Variants in EFHD1 observed in about 807,000 individuals in gnomAD.
EFHD1 encodes the protein EF-hand domain family member D1, also known as EF-hand domain-containing protein D1.
A neutral mutation model predicts 17.2 loss-of-function variants in EFHD1; 10 were observed. The observed-to-expected ratio is 0.58, with a 90% CI of 0.36 to 0.99. The LOEUF is 0.99. Among genes scored for constraint, EFHD1 ranks in the 50% least tolerant of loss-of-function variants. EFHD1 has a pLI of 0.01. For synonymous variants in EFHD1, 153 were observed against 142.0 expected, an observed-to-expected ratio of 1.08 and a Z score of -0.55; for missense variants, 310 against 327.5, an observed-to-expected ratio of 0.95 and a Z score of 0.41.
chr2:232,638,186 G>GTA, intron 1 of EFHD1: 5 of 363,220 alleles, frequency 1.4e-5, no homozygotes, highest in East Asian at 7.3e-5. Context: ...TGGTGGAGCA[G>GTA]TCAAGGTTAG....
chr2:232,630,033 T>A (rs1694175483), upstream of EFHD1, among the ~76,000 whole-genome samples: 1 of 151,806 alleles, frequency 6.6e-6, no homozygotes, highest in Non-Finnish European at 1.5e-5. Context: ...CACTGCAATC[T>A]CCACCTCCCA....
chr2:232,637,613 G>A (rs1188698723), intron 1 of EFHD1, among the ~76,000 whole-genome samples: 2 of 151,988 alleles, frequency 1.3e-5, no homozygotes, highest in Non-Finnish European at 2.9e-5. Context: ...CAAAACGCTG[G>A]GATTACAGGC....
intron 2 of EFHD1, among the ~76,000 whole-genome samples, chr2:232,669,324 C>A (rs959836402): frequency 3.3e-5 from 5 of 152,188 alleles, no homozygotes; most frequent in Non-Finnish European, 7.3e-5. Context: ...CATGGCTGAC[C>A]GTCGGCCTCT....
intron 1 of EFHD1, among the ~76,000 whole-genome samples, chr2:232,624,522 C>A (rs948981571): frequency 1.3e-5 from 2 of 152,282 alleles, no homozygotes; most frequent in African/African-American, 2.4e-5. Context: ...CCAGGGGGCA[C>A]CCTTGTGTCT....
chr2:232,638,830 T>C (rs112688559), intron 1 of EFHD1, among the ~76,000 whole-genome samples: 1 of 152,214 alleles, frequency 6.6e-6, no homozygotes, highest in Non-Finnish European at 1.5e-5. Context: ...TCACCTTAGA[T>C]GTGAAATTTT....
rs750522641 is a variant in EFHD1, at chr2:232,662,795, C to T, written c.303-7C>T. ...CATCCCGGTCATGCATTCCTTTGAC[C>T]CTGCAGGTATGACGCTGGGCGGGAT... On this transcript the variant is annotated splice_region_variant and splice_polypyrimidine_tract_variant and intron_variant, in intron 1 of 3. Transcript: ENST00000264059. 1.3e-6 allele frequency: 2 copies of T among 1,563,242 alleles called. No homozygotes were observed. Among genetic ancestry groups the T allele is most frequent in the Non-Finnish European group, 8.6e-7 (1 of 1,160,576 alleles).
chr2:232,651,978 G>A (rs186715367), intron 1 of EFHD1, among the ~76,000 whole-genome samples: 126 of 152,310 alleles, frequency 8.3e-4, no homozygotes, highest in African/African-American at 2.5e-3. Flanking sequence ...GCAGAGCTGC[G>A]GGTTAGGGGG....
At chr2:232,611,526 C>G (rs1413876231) in intron 1 of EFHD1, 1 of 152,146 alleles carries the variant, frequency 6.6e-6, no homozygotes, top group African/African-American at 2.4e-5. Flanking sequence ...GGTGGGCCAG[C>G]GGTGCCCCCA....
chr2:232,615,684 C>CTTTTTT (rs34266488), intron 1 of EFHD1, among the ~76,000 whole-genome samples: 1 of 109,016 alleles, frequency 9.2e-6, no homozygotes, highest in Non-Finnish European at 1.8e-5. Context: ...TTTTCTTTTC[C>CTTTTTT]TTTTTTTTTT....
intron 1 of EFHD1, among the ~76,000 whole-genome samples, chr2:232,646,525 G>A (rs1404859680): frequency 7.7e-6 from 1 of 129,990 alleles, no homozygotes; most frequent in East Asian, 2.4e-4. Flanking sequence ...GCTCACTGCA[G>A]CCTCCGCCTC....
chr2:232,619,860 G>C (rs1693989949), intron 1 of EFHD1, among the ~76,000 whole-genome samples: 1 of 151,756 alleles, frequency 6.6e-6, no homozygotes, highest in African/African-American at 2.4e-5. Context: ...CCTATGATCA[G>C]GCCACTGCAC....
chr2:232,613,705 TAC>T (rs1211639729), intron 1 of EFHD1, among the ~76,000 whole-genome samples: 63 of 74,838 alleles, frequency 8.4e-4, no homozygotes, highest in African/African-American at 2.8e-3. Flanking sequence ...TACACACACA[TAC>T]ACACACAAAT....
In EFHD1 at chr2:232,633,779, G is replaced by C. The variant is rs1355220584; in HGVS notation, c.75G>C (p.Gln25His). ...RREEAEESGP[Q>H]LAPLGAPAPE... ...AGGAGGCCGAGGAGAGTGGCCCCCA[G>C]CTGGCTCCCCTCGGCGCCCCAGCCC... The change falls in exon 1 of 4, where the codon CAG becomes CAC. Residue 25 changes from glutamine (Q) to histidine (H), a missense_variant. Transcript: ENST00000264059. 8.2e-6 allele frequency: 12 copies of C among 1,460,986 alleles called. No individual in the cohort carries two copies. Among genetic ancestry groups the C allele is most frequent in the Non-Finnish European group, 1.1e-5 (12 of 1,114,680 alleles). The allele number at this position is 1,460,986 out of a possible 1,614,324, so 90.5% of individuals were successfully genotyped here.
rs915028032 is a variant in EFHD1, at chr2:232,656,163, G to C, written c.303-6639G>C. Reference sequence around the variant, plus strand: ...GCTGCTTCCCACTGACCAGGCCCATGGCCTCCCTGAAGTGTGAGGTCTGTG... The same window carrying C: ...GCTGCTTCCCACTGACCAGGCCCATCGCCTCCCTGAAGTGTGAGGTCTGTG... On this transcript the variant is annotated intron_variant, in intron 1 of 3. Transcript: ENST00000264059. 6.6e-5 allele frequency among the ~76,000 whole-genome samples: 10 copies of C among 152,274 alleles called. No individual in the cohort carries two copies. In the South Asian group the frequency reaches 2.1e-3, roughly 32 times the overall value.
intron 1 of EFHD1, among the ~76,000 whole-genome samples, chr2:232,650,987 A>G (rs996708067): frequency 6.6e-6 from 1 of 152,228 alleles, no homozygotes; most frequent in African/African-American, 2.4e-5. Context: ...GAACTCCAAT[A>G]AGCCTGACAG....
At chr2:232,656,234 G>C (rs754475336) in intron 1 of EFHD1, among the ~76,000 whole-genome samples, 10 of 152,084 alleles carry the variant, frequency 6.6e-5, no homozygotes, top group East Asian at 1.9e-4. Flanking sequence ...TGTGGCCCTT[G>C]CATTCAGGAT....
intron 1 of EFHD1, among the ~76,000 whole-genome samples, chr2:232,608,786 T>C (rs1693762893): frequency 6.6e-6 from 1 of 151,824 alleles, no homozygotes; most frequent in African/African-American, 2.4e-5. Context: ...AAAAATTAGC[T>C]GGGTGTGGTG....
intron 1 of EFHD1, among the ~76,000 whole-genome samples, chr2:232,643,071 C>T (rs1694461329): frequency 1.3e-5 from 2 of 152,050 alleles, no homozygotes; most frequent in South Asian, 2.1e-4. Context: ...TCTGTGCTGG[C>T]GTCAAGGTGG....
At chr2:232,609,165 T>G (rs1193134529) in intron 1 of EFHD1, among the ~76,000 whole-genome samples, 1 of 149,592 alleles carries the variant, frequency 6.7e-6, no homozygotes, top group Non-Finnish European at 1.5e-5. Context: ...GTTCAGGTGA[T>G]TCTCCTGTCT....
Sources: allele counts gnomAD v4.1 joint callset (sites outside exome capture counted in the v4.1 genomes callset), GRCh38; gene constraint gnomAD v4.1.1; transcripts MANE v1.5; gene names NCBI Gene and HGNC (gene_info 2026-07-23, HGNC 2026-07-21).